Variants in ASAP1 observed in about 807,000 individuals in gnomAD.
ASAP1 encodes ArfGAP with SH3 domain, ankyrin repeat and PH domain 1, also known as arf-GAP with SH3 domain, ANK repeat and PH domain-containing protein 1.
In ASAP1, 43 loss-of-function variants were observed where a neutral mutation model predicts 145.2. That is an observed-to-expected ratio of 0.30 (90% confidence interval 0.23 to 0.38). The LOEUF (loss-of-function observed/expected upper bound fraction) is 0.38, where lower values mean the gene tolerates loss of function less well. Among genes scored for constraint, ASAP1 ranks in the 10% least tolerant of loss-of-function variants. The pLI, the probability that ASAP1 is intolerant of heterozygous loss-of-function variation, is 1.00. For missense variants in ASAP1, 1,018 were observed against 1,355.3 expected, an observed-to-expected ratio of 0.75 and a Z score of 3.91; for synonymous variants, 546 against 515.5, an observed-to-expected ratio of 1.06 and a Z score of -0.80.
intron 3 of ASAP1, among the ~76,000 whole-genome samples, chr8:130,253,453 T>G (rs1055704196): frequency 1.3e-5 from 2 of 152,180 alleles, no homozygotes; most frequent in Non-Finnish European, 2.9e-5. Flanking sequence ...AGATACATAG[T>G]TAGCAAGAAC....
intron 24 of ASAP1, 79 bp downstream of exon 24, chr8:130,112,015 C>A: frequency 1.5e-6 from 2 of 1,370,260 alleles, no homozygotes; most frequent in Non-Finnish European, 2.0e-6. Context: ...TACCTCAAAG[C>A]TGGCTAGACT....
chr8:130,361,872 A>G, intron 2 of ASAP1: 1 of 797,928 alleles, frequency 1.3e-6, no homozygotes, highest in Non-Finnish European at 2.1e-6. Context: ...AGCCAGGAAA[A>G]ATGTGCGCAC....
chr8:130,083,558 C>CAGTTGATAA (rs1256687575), intron 25 of ASAP1: 1 of 152,074 alleles, frequency 6.6e-6, no homozygotes, highest in Admixed American at 6.6e-5. Context: ...GCCTCGATTC[C>CAGTTGATAA]GTCATATATC....
chr8:130,392,492 G>A (rs1219790395), intron 2 of ASAP1, among the ~76,000 whole-genome samples: 1 of 152,182 alleles, frequency 6.6e-6, no homozygotes, highest in Non-Finnish European at 1.5e-5. Flanking sequence ...TATGTGCCAA[G>A]TACTATTCAT....
At chr8:130,111,447 G>C (rs1279964467) in intron 24 of ASAP1, among the ~76,000 whole-genome samples, 2 of 152,124 alleles carry the variant, frequency 1.3e-5, no homozygotes, top group Admixed American at 6.5e-5. Context: ...ACCTGGGTTA[G>C]AATCCCAGGC....
At chr8:130,440,219 C>G (rs548083574) in intron 1 of ASAP1, among the ~76,000 whole-genome samples, 1 of 152,270 alleles carries the variant, frequency 6.6e-6, no homozygotes, top group Non-Finnish European at 1.5e-5. Flanking sequence ...CCCCTATGAT[C>G]CATCCACTTT....
intron 24 of ASAP1, among the ~76,000 whole-genome samples, chr8:130,103,384 A>T (rs1161949610): frequency 6.6e-6 from 1 of 151,008 alleles, no homozygotes; most frequent in Non-Finnish European, 1.5e-5. Flanking sequence ...TTGTCTTTTC[A>T]GTTGCAACTT....
intron 27 of ASAP1, among the ~76,000 whole-genome samples, chr8:130,074,837 A>G (rs1381475262): frequency 2.0e-5 from 3 of 152,220 alleles, no homozygotes; most frequent in Non-Finnish European, 4.4e-5. Context: ...ATGTGAGGTC[A>G]GCAGTCATAG....
rs540944761 is a variant in ASAP1, at chr8:130,297,726, G to C, written c.186+60291C>G. ...GTCAGAGACAAAGAAAACAAAGCGGGGGGGCGGGGAGCAGAGGTAGAGCTG... is the reference window on the plus strand; with the variant it reads ...GTCAGAGACAAAGAAAACAAAGCGGCGGGGCGGGGAGCAGAGGTAGAGCTG... On this transcript the variant is annotated intron_variant, in intron 3 of 29. Coordinates refer to ENST00000518721, the MANE Select transcript of ASAP1 (RefSeq NM_018482.4). Among the ~76,000 whole-genome samples, 570 of 152,320 alleles carry C rather than the reference G, an allele frequency of 3.7e-3. 1 individual carries two copies. The highest frequency in any genetic ancestry group is 6.1e-3 in the Non-Finnish European group (412 of 68,032).
At position 130,066,491 on chromosome 8, in the gene ASAP1, T is replaced by C. The variant is rs79357581; in HGVS notation, c.2702-5422A>G. 7.0e-3 allele frequency among the ~76,000 whole-genome samples: 1,066 copies of C among 152,250 alleles called. 19 individuals carry two copies. Among genetic ancestry groups the C allele is most frequent in the African/African-American group, 0.025 (1,021 of 41,552 alleles). On this transcript the variant is annotated intron_variant, in intron 27 of 29. Coordinates refer to ENST00000518721, the MANE Select transcript of ASAP1 (RefSeq NM_018482.4). ...CTCCCAAAGTGCTAGGATTAAAGGC[T>C]TGAGCCACAATACCTGGCCTATTTC... is the stretch of plus-strand genomic sequence containing the variant.
chr8:130,173,120 T>C (rs1813699012), intron 9 of ASAP1, among the ~76,000 whole-genome samples: 1 of 152,246 alleles, frequency 6.6e-6, no homozygotes, highest in Non-Finnish European at 1.5e-5. Context: ...ACATTTTCTC[T>C]GGGATGAACA....
At chr8:130,209,920 C>T (rs1816474343) in intron 5 of ASAP1, among the ~76,000 whole-genome samples, 2 of 152,068 alleles carry the variant, frequency 1.3e-5, no homozygotes, top group South Asian at 4.1e-4. Flanking sequence ...GCATTTATTG[C>T]TAATGATAAA....
chr8:130,130,743 C>G (rs2097581663), intron 15 of ASAP1, among the ~76,000 whole-genome samples: 1 of 152,170 alleles, frequency 6.6e-6, no homozygotes, highest in Non-Finnish European at 1.5e-5. Flanking sequence ...GCCAGATGAT[C>G]TGCCTAAGGT....
intron 1 of ASAP1, among the ~76,000 whole-genome samples, chr8:130,418,065 A>G (rs554777155): frequency 6.6e-6 from 1 of 152,346 alleles, no homozygotes; most frequent in South Asian, 2.1e-4. Flanking sequence ...ACTTGCCCCA[A>G]GGCCACAAGG....
rs2097417390 is a variant in ASAP1 at position 130,060,691 on chromosome 8, G to T, written c.3080C>A (p.Ser1027Tyr). The T allele has an allele frequency of 6.2e-7, 1 of 1,614,074 alleles. No homozygotes were observed. Among genetic ancestry groups the T allele is most frequent in the African/African-American group, 1.3e-5 (1 of 74,932 alleles). ...VTLKSHPLDL[S>Y]PNVQSRDAIQ... ...GGCGTCTCTGGACTGCACATTTGGG[G>T]ATAGATCCAATGGGTGTGACTTCAG... The change falls in exon 28 of 30, where the codon TCC (serine) becomes TAC (tyrosine). Residue 1027 changes from serine to tyrosine, a missense_variant. Ser to Tyr is a moderately radical substitution (Grantham distance 144). Transcript: ENST00000518721.
chr8:130,092,876 A>G (rs1030683551), intron 24 of ASAP1, among the ~76,000 whole-genome samples: 2 of 152,010 alleles, frequency 1.3e-5, no homozygotes, highest in Non-Finnish European at 2.9e-5. Context: ...AATGATTCAT[A>G]TAATAGAATT....
intron 9 of ASAP1, among the ~76,000 whole-genome samples, chr8:130,176,693 T>A (rs1013983725): frequency 1.3e-5 from 2 of 151,974 alleles, no homozygotes; most frequent in Admixed American, 1.3e-4. Context: ...TTCCTGTTTT[T>A]TTTTTTTTTC....
At chr8:130,325,496 T>A (rs1824268402) in intron 3 of ASAP1, among the ~76,000 whole-genome samples, 1 of 152,216 alleles carries the variant, frequency 6.6e-6, no homozygotes, top group Non-Finnish European at 1.5e-5. Context: ...GTAAGAGACA[T>A]CTGTTCTTAA....
At chr8:130,412,045 C>T (rs1482942604) in intron 1 of ASAP1, among the ~76,000 whole-genome samples, 1 of 152,210 alleles carries the variant, frequency 6.6e-6, no homozygotes, top group African/African-American at 2.4e-5. Context: ...GTATGGGTAT[C>T]GGCCACATAG....
Sources: gnomAD v4.1 joint callset for allele counts (sites outside exome capture counted in the v4.1 genomes callset) on GRCh38, gnomAD v4.1.1 for gene constraint, MANE v1.5 for transcripts, NCBI Gene and HGNC (gene_info 2026-07-23, HGNC 2026-07-21) for gene names.